DMRT1: variants seen among roughly 807,000 people sequenced by gnomAD.
DMRT1 encodes the protein doublesex- and mab-3-related transcription factor 1.
In DMRT1, 7 loss-of-function variants were observed where a neutral mutation model predicts 32.3. The ratio of observed to expected loss-of-function variants is 0.22; its 90% confidence interval spans 0.12 to 0.41. The LOEUF (loss-of-function observed/expected upper bound fraction) is 0.41, where lower values mean the gene tolerates loss of function less well. Among genes scored for constraint, DMRT1 ranks in the 10% least tolerant of loss-of-function variants. The pLI, the probability that DMRT1 is intolerant of heterozygous loss-of-function variation, is 1.00. For missense variants in DMRT1, 625 were observed against 500.5 expected (o/e 1.25, Z -2.37); for synonymous variants, 278 against 206.1 (o/e 1.35, Z -2.99).
intron 2 of DMRT1, among the ~76,000 whole-genome samples, chr9:869,708 G>T (rs1031033790): frequency 6.6e-6 from 1 of 151,444 alleles, no homozygotes; most frequent in Non-Finnish European, 1.5e-5. Context: ...CCCTATTTTG[G>T]CTTTTTCAAT....
In DMRT1 at chr9:894,111, T is replaced by A; in HGVS notation, c.738T>A (p.Asn246Lys). 2 of 1,614,160 alleles carry A rather than the reference T, an allele frequency of 1.2e-6. No individual in the cohort carries two copies. Among genetic ancestry groups the A allele is most frequent in the Non-Finnish European group, 1.7e-6 (2 of 1,180,022 alleles). ...ATTCTGCTTCTGGGGAGGTGGGAAA[T>A]CCCCTCGGGGGATCCCCTGTGAAGA... ...AADSASGEVG[N>K]PLGGSPVKNS... Residue 246 changes from asparagine (N) to lysine (K), a missense_variant, in exon 3 of 5, where the codon AAT becomes AAA. Around this residue, in one of 3 missense-constraint regions of DMRT1, gnomAD observed 416 missense variants for 321.6 expected, o/e 1.29. Transcript: ENST00000382276.
At chr9:908,038 G>A (rs1443111477) in intron 3 of DMRT1, among the ~76,000 whole-genome samples, 2 of 152,194 alleles carry the variant, frequency 1.3e-5, no homozygotes. Flanking sequence ...TTTGGCCTTT[G>A]TAAAATGTCA....
At chr9:880,321 A>G (rs1466330363) in intron 2 of DMRT1, among the ~76,000 whole-genome samples, 1 of 151,868 alleles carries the variant, frequency 6.6e-6, no homozygotes, top group Non-Finnish European at 1.5e-5. Flanking sequence ...TGATCAAGTT[A>G]CTCTTTCTTT....
intron 2 of DMRT1, among the ~76,000 whole-genome samples, chr9:878,597 C>T (rs1217520512): frequency 2.0e-5 from 3 of 152,160 alleles, no homozygotes; most frequent in African/African-American, 7.2e-5. Flanking sequence ...CCAAGTTCAG[C>T]TGAGCTTGGG....
chr9:914,897 A>T (rs1209055967), intron 3 of DMRT1, among the ~76,000 whole-genome samples: 1 of 152,194 alleles, frequency 6.6e-6, no homozygotes, highest in Non-Finnish European at 1.5e-5. Flanking sequence ...CATAATACCC[A>T]AAGTACACTT....
At chr9:899,879 G>C (rs1817505931) in intron 3 of DMRT1, among the ~76,000 whole-genome samples, 1 of 152,224 alleles carries the variant, frequency 6.6e-6, no homozygotes, top group South Asian at 2.1e-4. Flanking sequence ...TGTGCCCCCA[G>C]ATGTGTAGAC....
At chr9:855,765 G>A (rs924887378) in intron 2 of DMRT1, among the ~76,000 whole-genome samples, 1 of 152,090 alleles carries the variant, frequency 6.6e-6, no homozygotes, top group South Asian at 2.1e-4. Flanking sequence ...CTACAGGCAC[G>A]TGCCACCACT....
intron 3 of DMRT1, among the ~76,000 whole-genome samples, chr9:897,906 T>G (rs913778673): frequency 2.6e-5 from 4 of 152,274 alleles, no homozygotes; most frequent in African/African-American, 9.6e-5. Context: ...TTCTGTATCT[T>G]TGGGGAAGAA....
intron 2 of DMRT1, among the ~76,000 whole-genome samples, chr9:877,568 A>T (rs186042123): frequency 6.6e-6 from 1 of 152,242 alleles, no homozygotes; most frequent in African/African-American, 2.4e-5. Context: ...GAATCTGCAC[A>T]TCTCATTTCA....
At chr9:925,019 C>T (rs1172401790) in intron 4 of DMRT1, among the ~76,000 whole-genome samples, 4 of 152,206 alleles carry the variant, frequency 2.6e-5, no homozygotes, top group African/African-American at 7.2e-5. Flanking sequence ...CTCCTCCAGG[C>T]TGTAGTCTGG....
chr9:914,950 A>G (rs1379210228), intron 3 of DMRT1, among the ~76,000 whole-genome samples: 2 of 152,264 alleles, frequency 1.3e-5, no homozygotes, highest in Non-Finnish European at 2.9e-5. Context: ...GTAGATGTTC[A>G]TAGAAAATCT....
At chr9:936,029 G>A (rs779079861) in intron 4 of DMRT1, among the ~76,000 whole-genome samples, 1 of 152,184 alleles carries the variant, frequency 6.6e-6, no homozygotes, top group South Asian at 2.1e-4. Context: ...CTGAGTAGCA[G>A]CCTGTCTCTA....
chr9:929,348 A>C (rs766378002), intron 4 of DMRT1, among the ~76,000 whole-genome samples: 2 of 151,902 alleles, frequency 1.3e-5, no homozygotes, highest in Non-Finnish European at 2.9e-5. Flanking sequence ...CCCAGGCTGG[A>C]CTCGAGCTCC....
intron 4 of DMRT1, among the ~76,000 whole-genome samples, chr9:932,390 A>G (rs1586634969): frequency 6.6e-6 from 1 of 152,238 alleles, no homozygotes; most frequent in East Asian, 1.9e-4. Flanking sequence ...TGTTATAATG[A>G]GCCAATGCAA....
In DMRT1 at chr9:842,035, G is replaced by A; in HGVS notation, c.197G>A (p.Gly66Glu). ...SGSGASDLGA[G>E]SKKSPRLPKC... ...TCCGGGGCGTCGGACCTGGGTGCCGGGAGCAAGAAGTCCCCGCGGCTGCCC... is the reference window on the plus strand; with the variant it reads ...TCCGGGGCGTCGGACCTGGGTGCCGAGAGCAAGAAGTCCCCGCGGCTGCCC... The change falls in exon 1 of 5, where the codon GGG becomes GAG. Residue 66 changes from glycine (G) to glutamate (E), a missense_variant. Physicochemically the swap from Gly to Glu is moderately conservative, Grantham distance 98. Transcript: ENST00000382276. 1 of 1,547,060 alleles carries A rather than the reference G, an allele frequency of 6.5e-7. No homozygotes were observed. Among genetic ancestry groups the A allele is most frequent in the Non-Finnish European group, 8.7e-7 (1 of 1,148,972 alleles).
chr9:850,800 A>T (rs554287228), intron 2 of DMRT1, among the ~76,000 whole-genome samples: 4 of 152,136 alleles, frequency 2.6e-5, no homozygotes, highest in Non-Finnish European at 4.4e-5. Context: ...AGGCCAAGGC[A>T]GGTGGATCAC....
intron 3 of DMRT1, among the ~76,000 whole-genome samples, chr9:915,802 G>A (rs945731913): frequency 1.3e-5 from 2 of 151,216 alleles, no homozygotes; most frequent in African/African-American, 4.9e-5. Context: ...GCGCGATCTC[G>A]GCTCAGTACA....
intron 4 of DMRT1, among the ~76,000 whole-genome samples, chr9:936,164 C>G (rs1375455063): frequency 6.6e-6 from 1 of 152,182 alleles, no homozygotes; most frequent in East Asian, 1.9e-4. Flanking sequence ...TTGCTTGTCT[C>G]CACTTCTTTA....
intron 2 of DMRT1, among the ~76,000 whole-genome samples, chr9:862,561 A>G (rs1011873550): frequency 6.6e-6 from 1 of 152,060 alleles, no homozygotes; most frequent in South Asian, 2.1e-4. Context: ...CTTTCTTAAA[A>G]TATCTCTGCT....
Sources: allele counts gnomAD v4.1 joint callset (sites outside exome capture counted in the v4.1 genomes callset), GRCh38; gene constraint gnomAD v4.1.1; regional missense constraint gnomAD v4.1.1; transcripts MANE v1.5; gene names NCBI Gene and HGNC (gene_info 2026-07-23, HGNC 2026-07-21).